The following GGA3 variants were observed in gnomAD, a reference collection of about 807,000 sequenced individuals.
GGA3 encodes the protein golgi associated, gamma adaptin ear containing, ARF binding protein 3, also known as ADP-ribosylation factor-binding protein GGA3.
Under a neutral mutation model 77.5 loss-of-function variants are expected in GGA3, and 57 were observed. The observed-to-expected ratio is 0.74, with a 90% CI of 0.59 to 0.92. The LOEUF (loss-of-function observed/expected upper bound fraction) is 0.92, where lower values mean the gene tolerates loss of function less well. Ranked by LOEUF, GGA3 falls within the 40% of genes least tolerant of loss-of-function variation. GGA3 has a pLI of 0.00. For missense variants in GGA3, 970 were observed against 914.9 expected (o/e 1.06, Z -0.78); for synonymous variants, 416 against 383.7 (o/e 1.08, Z -0.98).
chr17:75,242,139 A>C (rs2076580727), intron 8 of GGA3, 197 bp downstream of exon 8: 1 of 645,428 alleles, frequency 1.5e-6, no homozygotes, highest in East Asian at 2.6e-5. Flanking sequence ...CACCCTGGAC[A>C]AGTCAGCTGA....
intron 15 of GGA3, 40 bp from the exon 16 acceptor site, chr17:75,238,802 G>A (rs369842990): frequency 6.4e-7 from 1 of 1,568,054 alleles, no homozygotes; most frequent in East Asian, 2.2e-5. Context: ...ACTGGTAGGT[G>A]CCCCCAGATG....
chr17:75,245,363 G>T (rs544447386), intron 3 of GGA3, among the ~76,000 whole-genome samples: 163 of 152,166 alleles, frequency 1.1e-3, no homozygotes, highest in African/African-American at 3.9e-3. Context: ...CTTCGTTGTG[G>T]GGGGCCACTC....
rs1246080348 is a variant in GGA3 at position 75,237,937 on chromosome 17, C to CCCCCACCCCCCACT, written c.*341_*342insAGTGGGGGGTGGGG. On this transcript the variant is annotated 3_prime_UTR_variant, in exon 17 of 17. Transcript: ENST00000537686. The stretch of plus-strand genomic sequence containing the variant: ...GAGACTCCCACCCCCCACCCCCCAC[C>CCCCCACCCCCCACT]CCAGTGGCTTCAGTGAATGCCAGTA... 668 of 778,350 alleles carry CCCCCACCCCCCACT rather than the reference C, an allele frequency of 8.6e-4. 6 individuals carry two copies. In the South Asian group the frequency reaches 0.015, roughly 17 times the overall value. The allele number at this position is 778,350 out of a possible 1,614,324, so 48.2% of individuals were successfully genotyped here.
chr17:75,242,782 TG>T, intron 7 of GGA3, 48 bp downstream of exon 7: 1 of 1,427,470 alleles, frequency 7.0e-7, no homozygotes, highest in Non-Finnish European at 9.9e-7. Context: ...TTCTGCTGTG[TG>T]GCCATGGGCT....
rs777165586 is a variant in GGA3 at position 75,241,649 on chromosome 17, G to A, written c.795C>T (p.Leu265=). Residue 265 remains leucine (L), a synonymous_variant, in exon 9 of 17, where the codon CTC becomes CTT. Transcript: ENST00000537686. ...TATCATTGTCCTCAGTCTCACTGGC[G>A]AGTTTAAATAAAGTCCGCCTCTTGT... is the stretch of plus-strand genomic sequence containing the variant. The part of the protein sequence containing the change: ...CENKRRTLFK[L]ASETEDNDNS... 34 of 1,613,912 alleles carry A rather than the reference G, an allele frequency of 2.1e-5. No individual in the cohort carries two copies. The highest frequency in any genetic ancestry group is 2.7e-5 in the Non-Finnish European group (32 of 1,179,978).
intron 1 of GGA3, among the ~76,000 whole-genome samples, chr17:75,259,613 G>A (rs2077276044): frequency 6.6e-6 from 1 of 152,164 alleles, no homozygotes; most frequent in East Asian, 1.9e-4. Context: ...TGCGCTTCTG[G>A]GAGCAGAATG....
rs765795873 is a variant in GGA3 at position 75,239,003 on chromosome 17, G to T, written c.1861C>A (p.Arg621=). 1 of 1,613,980 alleles carries T rather than the reference G, an allele frequency of 6.2e-7. No homozygotes were observed. The highest frequency in any genetic ancestry group is 1.7e-5 in the Admixed American group (1 of 60,004). ...ACCACCACCACCAGCACGTCAGGTC[G>T]TCCTGGGGGACACTCCTTGGCAAAG... The part of the protein sequence containing the change: ...FHFAKECPPG[R]PDVLVVVVSM... The change falls in exon 15 of 17, where the codon CGA becomes AGA. Residue 621 remains arginine, a synonymous_variant. Coordinates refer to ENST00000537686, the MANE Select transcript of GGA3 (RefSeq NM_138619.4).
chr17:75,241,532 G>T lies in GGA3; in HGVS notation c.830-16C>A. 6.2e-7 allele frequency: 1 copy of T among 1,606,192 alleles called. No individual in the cohort carries two copies. Among genetic ancestry groups the T allele is most frequent in the Non-Finnish European group, 8.5e-7 (1 of 1,172,804 alleles). ...AGGATGTCCCCTGGAGCAGGAAAGA[G>T]AGACTTCTCACTCCTGTTGTGACAG... On this transcript the variant is annotated splice_polypyrimidine_tract_variant and intron_variant, in intron 9 of 16. Transcript: ENST00000537686.
Position 75,239,511 on chromosome 17 carries a change from C to T in GGA3, c.1644G>A (p.Arg548=). The part of the protein sequence containing the change: ...SPLIPTTTPA[R]PLLPFSTGPG... ...GCCCCGTGGAGAAGGGCAGGAGGGG[C>T]CTGGCTGGGGTGGTGGTGGGGATGA... Residue 548 remains arginine (R), a synonymous_variant, in exon 14 of 17, where the codon AGG becomes AGA. Transcript: ENST00000537686. 1 of 1,573,176 alleles carries T rather than the reference C, an allele frequency of 6.4e-7. No individual in the cohort carries two copies. Among genetic ancestry groups the T allele is most frequent in the Non-Finnish European group, 8.6e-7 (1 of 1,163,598 alleles).
chr17:75,240,276 G>A, intron 12 of GGA3, 66 bp downstream of exon 12: 1 of 1,240,284 alleles, frequency 8.1e-7, no homozygotes, highest in Non-Finnish European at 1.2e-6. Context: ...TGCAGCCCAG[G>A]AGACATGACG....
chr17:75,251,426 G>A (rs910671539), intron 1 of GGA3, among the ~76,000 whole-genome samples: 1 of 151,856 alleles, frequency 6.6e-6, no homozygotes, highest in Non-Finnish European at 1.5e-5. Context: ...CAAATGTATG[G>A]CCCAGGCACG....
intron 7 of GGA3, 121 bp from the exon 8 acceptor site, chr17:75,242,594 G>A: frequency 8.5e-7 from 1 of 1,175,314 alleles, no homozygotes; most frequent in South Asian, 1.3e-5. Context: ...TTCAGTGTGG[G>A]GTGCCTGGGG....
intron 4 of GGA3, among the ~76,000 whole-genome samples, 194 bp from the exon 5 acceptor site, chr17:75,243,764 C>T (rs954508427): frequency 6.6e-6 from 1 of 152,158 alleles, no homozygotes; most frequent in African/African-American, 2.4e-5. Context: ...CATCTGGATA[C>T]AGTCTGTGGA....
intron 10 of GGA3, 123 bp from the exon 11 acceptor site, chr17:75,241,180 C>G (rs965505389): frequency 8.4e-7 from 1 of 1,192,450 alleles, no homozygotes; most frequent in African/African-American, 1.5e-5. Flanking sequence ...AACGGCATCT[C>G]TGCCAGGGGA....
chr17:75,239,961 G>A lies in GGA3; in HGVS notation c.1411C>T (p.Pro471Ser). The A allele has an allele frequency of 6.4e-7, 1 of 1,570,910 alleles. No homozygotes were observed. Among genetic ancestry groups the A allele is most frequent in the African/African-American group, 1.4e-5 (1 of 73,718 alleles). The change falls in exon 13 of 17, where the codon CCA becomes TCA. Residue 471 changes from proline to serine, a missense_variant. Coordinates refer to ENST00000537686, the MANE Select transcript of GGA3 (RefSeq NM_138619.4). ...LPPPFPAPVV[P>S]ASVPAPSAGS... ...GCACTGGGGGCAGGAACACTGGCTG[G>A]GACCACAGGAGCTGGGAAGGGAGGC...
upstream of GGA3, chr17:75,262,274 A>G: frequency 4.6e-6 from 3 of 650,794 alleles, no homozygotes; most frequent in Non-Finnish European, 5.3e-6. Context: ...CGCCAAGCCC[A>G]TCCTTACCGT....
At chr17:75,258,621 G>A (rs1024671751) in intron 1 of GGA3, among the ~76,000 whole-genome samples, 16 of 152,206 alleles carry the variant, frequency 1.1e-4, no homozygotes, top group Admixed American at 2.0e-4. Context: ...AGTGAGCCGA[G>A]ATTGTGCCAC....
Position 75,239,416 on chromosome 17 carries a change from G to A in GGA3, c.1739C>T (p.Ser580Phe). Residue 580 changes from serine to phenylalanine, a missense_variant, in exon 14 of 17, where the codon TCC (serine) becomes TTC (phenylalanine). Transcript: ENST00000537686. ...QGSPPKGPEL[S>F]LASIHVPLES... The stretch of plus-strand genomic sequence containing the variant: ...CAGGGGCACGTGGATGCTGGCCAGG[G>A]AGAGCTCAGGCCCCTTCGGGGGGCT... 3.2e-6 allele frequency: 5 copies of A among 1,569,758 alleles called. No individual in the cohort carries two copies. The highest frequency in any genetic ancestry group is 4.3e-6 in the Non-Finnish European group (5 of 1,164,960).
intron 1 of GGA3, among the ~76,000 whole-genome samples, chr17:75,259,914 G>T (rs1274860465): frequency 1.3e-5 from 2 of 152,160 alleles, no homozygotes; most frequent in African/African-American, 4.8e-5. Context: ...CTTTGTAAGG[G>T]AAAGGTGGGA....
Sources: allele counts gnomAD v4.1 joint callset (sites outside exome capture counted in the v4.1 genomes callset), GRCh38; gene constraint gnomAD v4.1.1; transcripts MANE v1.5; gene names NCBI Gene and HGNC (gene_info 2026-07-23, HGNC 2026-07-21).